The following ACSF3 variants were observed in gnomAD, a reference collection of about 807,000 sequenced individuals.
ACSF3 encodes malonate--CoA ligase ACSF3, mitochondrial.
A neutral mutation model predicts 53.2 loss-of-function variants in ACSF3; 78 were observed. The ratio of observed to expected loss-of-function variants is 1.47; its 90% CI spans 1.22 to 1.77. The LOEUF (loss-of-function observed/expected upper bound fraction) is 1.77. Among genes scored for constraint, ACSF3 ranks in the 40% most tolerant of loss-of-function variants. ACSF3 has a pLI of 0.00. For synonymous variants in ACSF3, 414 were observed against 333.1 expected (o/e 1.24, Z -2.65); for missense variants, 937 against 771.1 (o/e 1.22, Z -2.55).
intron 1 of ACSF3, among the ~76,000 whole-genome samples, chr16:89,096,621 G>A (rs187895891): frequency 9.5e-4 from 145 of 152,300 alleles, no homozygotes; most frequent in African/African-American, 3.0e-3. Flanking sequence ...CCTCGTTGGA[G>A]GGGACTTTGT....
intron 1 of ACSF3, among the ~76,000 whole-genome samples, chr16:89,095,678 A>C (rs1330464190): frequency 6.6e-6 from 1 of 152,190 alleles, no homozygotes; most frequent in African/African-American, 2.4e-5. Context: ...CCTTCATTTG[A>C]ATGCGAGTGT....
rs1906463459 is a variant in ACSF3 at position 89,120,831 on chromosome 16, A to G, written c.1157A>G (p.Gln386Arg). The stretch of plus-strand genomic sequence containing the variant: ...GTGGGGACCCCACTGCCTGGAGTAC[A>G]GGTGCGCATTGTCTCAGAAAACCCA... ...GSVGTPLPGV[Q>R]VRIVSENPQR... The change falls in exon 7 of 11, where the codon CAG becomes CGG. Residue 386 changes from glutamine to arginine, a missense_variant. Transcript: ENST00000614302. 3 of 1,613,968 alleles carry G rather than the reference A, an allele frequency of 1.9e-6. No homozygotes were observed. The highest frequency in any genetic ancestry group is 1.1e-5 in the South Asian group (1 of 91,090).
intron 8 of ACSF3, among the ~76,000 whole-genome samples, chr16:89,134,317 C>T (rs1450982675): frequency 6.6e-6 from 1 of 152,132 alleles, no homozygotes. Context: ...CAGAAAAGAA[C>T]CATGGAACCC....
intron 7 of ACSF3, among the ~76,000 whole-genome samples, chr16:89,124,831 G>T (rs1316364494): frequency 6.6e-6 from 1 of 152,246 alleles, no homozygotes. Flanking sequence ...TTTCTGCATT[G>T]CATTGCCATT....
intron 2 of ACSF3, among the ~76,000 whole-genome samples, chr16:89,100,249 G>A (rs990881533): frequency 6.6e-6 from 1 of 152,276 alleles, no homozygotes; most frequent in Admixed American, 6.5e-5. Context: ...TCCAGGCCAT[G>A]CCTGTTGTGA....
At chr16:89,121,490 T>C (rs1007676574) in intron 7 of ACSF3, among the ~76,000 whole-genome samples, 21 of 152,250 alleles carry the variant, frequency 1.4e-4, no homozygotes, top group Non-Finnish European at 1.5e-5. Context: ...CATTGTCTCA[T>C]TTCTGTGAGG....
intron 1 of ACSF3, among the ~76,000 whole-genome samples, chr16:89,096,477 C>G (rs192950639): frequency 7.2e-4 from 109 of 152,274 alleles, no homozygotes; most frequent in Middle Eastern, 3.4e-3. Context: ...ATCCGATGAC[C>G]GTGAAGATTC....
intron 6 of ACSF3, among the ~76,000 whole-genome samples, chr16:89,120,415 G>T (rs1214778596): frequency 6.6e-6 from 1 of 152,230 alleles, no homozygotes; most frequent in Admixed American, 6.5e-5. Flanking sequence ...AGCCCTCCCT[G>T]GCCAGCAAGT....
At chr16:89,103,728 T>G (rs1423582199) in intron 4 of ACSF3, among the ~76,000 whole-genome samples, 10 of 152,140 alleles carry the variant, frequency 6.6e-5, no homozygotes, top group Admixed American at 6.6e-4. Flanking sequence ...AGGGTTACTT[T>G]GGAGTATTGG....
chr16:89,133,563 C>G (rs1473159879), intron 8 of ACSF3, among the ~76,000 whole-genome samples: 1 of 152,224 alleles, frequency 6.6e-6, no homozygotes, highest in Non-Finnish European at 1.5e-5. Flanking sequence ...CGCACGCACC[C>G]TGACCACAGA....
chr16:89,155,725 C>G lies in ACSF3; in HGVS notation c.*1518C>G. ...GAAATGCCTTCTGTTGGGAAAAGGT[C>G]AAATTTAACATAGCAAAATTTTTAC... On this transcript the variant is annotated 3_prime_UTR_variant, in exon 11 of 11. Transcript: ENST00000614302. 1 of 454,140 alleles carries G rather than the reference C, an allele frequency of 2.2e-6. No individual in the cohort carries two copies. Among genetic ancestry groups the G allele is most frequent in the Non-Finnish European group, 4.4e-6 (1 of 226,798 alleles). 28.1% of individuals were successfully genotyped at this position (454,140 alleles called of 1,614,324 possible).
At chr16:89,153,956 T>C (rs918801704) in intron 10 of ACSF3, 134 bp from the exon 11 acceptor site, 4 of 868,288 alleles carry the variant, frequency 4.6e-6, no homozygotes, top group Non-Finnish European at 7.3e-6. Context: ...TGCACCTGCC[T>C]GGCCTCAGGA....
chr16:89,136,729 C>T (rs1910561602), intron 8 of ACSF3: 1 of 1,287,312 alleles, frequency 7.8e-7, no homozygotes, highest in South Asian at 1.2e-5. Flanking sequence ...CCCCACCTGC[C>T]TCTGTGCCTA....
At chr16:89,120,038 G>A (rs566307851) in intron 6 of ACSF3, among the ~76,000 whole-genome samples, 4 of 152,318 alleles carry the variant, frequency 2.6e-5, no homozygotes, top group South Asian at 2.1e-4. Flanking sequence ...ACGCCACATC[G>A]CCAGGGCCGC....
At chr16:89,095,607 C>T (rs1046458880) in intron 1 of ACSF3, among the ~76,000 whole-genome samples, 9 of 18,354 alleles carry the variant, frequency 4.9e-4, no homozygotes, top group Admixed American at 1.9e-3. Context: ...TCTGGGGGGG[C>T]GGGGGTGTCA....
intron 4 of ACSF3, among the ~76,000 whole-genome samples, chr16:89,111,277 G>A (rs1469434744): frequency 2.0e-5 from 3 of 152,218 alleles, no homozygotes; most frequent in Non-Finnish European, 4.4e-5. Context: ...TTTCTTCCCC[G>A]GAGATTCCTG....
At chr16:89,137,813 G>A (rs1394739068) in intron 8 of ACSF3, among the ~76,000 whole-genome samples, 1 of 152,178 alleles carries the variant, frequency 6.6e-6, no homozygotes, top group Non-Finnish European at 1.5e-5. Flanking sequence ...TTGAACATCA[G>A]CCCAGCCTCC....
chr16:89,099,581 G>T (rs1243868971), intron 2 of ACSF3, among the ~76,000 whole-genome samples: 1 of 152,164 alleles, frequency 6.6e-6, no homozygotes, highest in African/African-American at 2.4e-5. Flanking sequence ...AGGAGTTGGA[G>T]ACCAGTCTGG....
intron 4 of ACSF3, among the ~76,000 whole-genome samples, chr16:89,105,634 C>T (rs1975880546): frequency 6.6e-6 from 1 of 152,208 alleles, no homozygotes; most frequent in South Asian, 2.1e-4. Context: ...CCCACCTTGG[C>T]CTCTGCTCCT....
Sources: allele counts gnomAD v4.1 joint callset (sites outside exome capture counted in the v4.1 genomes callset), GRCh38; gene constraint gnomAD v4.1.1; transcripts MANE v1.5; gene names NCBI Gene and HGNC (gene_info 2026-07-23, HGNC 2026-07-21).